The following ADGRL2 variants were observed in gnomAD, a reference collection of about 807,000 sequenced individuals.
ADGRL2 encodes adhesion G protein-coupled receptor L2, also known as calcium-independent alpha-latrotoxin receptor 2.
A neutral mutation model predicts 157.4 loss-of-function variants in ADGRL2; 44 were observed. The ratio of observed to expected loss-of-function variants is 0.28; its 90% confidence interval spans 0.22 to 0.36. The LOEUF (loss-of-function observed/expected upper bound fraction) is 0.36, where lower values mean the gene tolerates loss of function less well. Ranked by LOEUF, ADGRL2 falls within the 10% of genes least tolerant of loss-of-function variation. The probability of loss-of-function intolerance (pLI) is 1.00; values close to 1 mark genes in which losing one functional copy is unlikely to be tolerated. For missense variants in ADGRL2, 1,510 were observed against 1,768.9 expected (o/e 0.85, Z 2.63); for synonymous variants, 585 against 624.7 (o/e 0.94, Z 0.95).
chr1:81,505,740 C>CAAAAAAAAAA (rs59062091), intron 2 of ADGRL2, among the ~76,000 whole-genome samples: 1 of 85,082 alleles, frequency 1.2e-5, no homozygotes, highest in Non-Finnish European at 2.4e-5. Flanking sequence ...TGTCCTCCTG[C>CAAAAAAAAAA]AAAAAAAAAA....
intron 1 of ADGRL2, among the ~76,000 whole-genome samples, chr1:81,424,139 A>G (rs1361147032): frequency 6.6e-6 from 1 of 152,224 alleles, no homozygotes; most frequent in Non-Finnish European, 1.5e-5. Context: ...GAAAGGAGTC[A>G]GTGACACACC....
intron 1 of ADGRL2, among the ~76,000 whole-genome samples, chr1:81,815,349 T>G (rs1366142887): frequency 6.6e-6 from 1 of 151,858 alleles, no homozygotes; most frequent in African/African-American, 2.4e-5. Context: ...TGACAGAGCA[T>G]CATGCTGTGT....
chr1:81,530,280 C>T (rs2079566026), intron 2 of ADGRL2, among the ~76,000 whole-genome samples: 1 of 152,126 alleles, frequency 6.6e-6, no homozygotes, highest in Non-Finnish European at 1.5e-5. Flanking sequence ...TATTTCAGAT[C>T]AACTCAAGCT....
At chr1:81,343,582 A>T (rs1211786457) in intron 1 of ADGRL2, among the ~76,000 whole-genome samples, 2 of 152,184 alleles carry the variant, frequency 1.3e-5, no homozygotes, top group Non-Finnish European at 2.9e-5. Flanking sequence ...ATAGTGGGGT[A>T]GGCTGGGAAT....
chr1:81,326,808 C>A (rs866876963), intron 1 of ADGRL2, among the ~76,000 whole-genome samples: 19 of 152,250 alleles, frequency 1.2e-4, no homozygotes, highest in African/African-American at 3.9e-4. Flanking sequence ...GACTTTCAGA[C>A]CATTACATCC....
intron 1 of ADGRL2, among the ~76,000 whole-genome samples, chr1:81,328,818 C>T (rs1377912177): frequency 6.6e-6 from 1 of 152,020 alleles, no homozygotes; most frequent in Non-Finnish European, 1.5e-5. Flanking sequence ...CAGAAAAATG[C>T]TATTTGACAC....
intron 2 of ADGRL2, among the ~76,000 whole-genome samples, chr1:81,786,404 C>G (rs904078573): frequency 6.6e-6 from 1 of 152,046 alleles, no homozygotes. Context: ...ATGGTAAAAC[C>G]TTGTCTCTAC....
intron 4 of ADGRL2, among the ~76,000 whole-genome samples, chr1:81,941,664 A>G (rs1648047143): frequency 6.6e-6 from 1 of 151,868 alleles, no homozygotes; most frequent in African/African-American, 2.4e-5. Flanking sequence ...TAGCATACAT[A>G]TAGGAAGTAA....
chr1:81,402,169 T>C (rs2101276150), intron 1 of ADGRL2, among the ~76,000 whole-genome samples: 1 of 152,318 alleles, frequency 6.6e-6, no homozygotes, highest in East Asian at 1.9e-4. Context: ...AGAAGATCAC[T>C]ATCTCCCTAT....
At chr1:81,350,585 G>A (rs1156314737) in intron 1 of ADGRL2, among the ~76,000 whole-genome samples, 1 of 152,196 alleles carries the variant, frequency 6.6e-6, no homozygotes, top group Non-Finnish European at 1.5e-5. Context: ...AATTCCTTCA[G>A]AACTTGGGGA....
rs370113549 is a variant in ADGRL2 at position 81,753,164 on chromosome 1, CT to C, written c.-142-8646del. On this transcript the variant is annotated intron_variant, in intron 1 of 20. Coordinates refer to the ADGRL2 transcript ENST00000359929. ...GCTGCTGATAAAGACATACCTGAGACTGGGCAATTTACAAAAGAAAGAGGTT... is the reference window on the plus strand; with the variant it reads ...GCTGCTGATAAAGACATACCTGAGACGGGCAATTTACAAAAGAAAGAGGTT... 3.7e-3 allele frequency among the ~76,000 whole-genome samples: 561 copies of C among 152,182 alleles called. 5 individuals are homozygous for C. Among genetic ancestry groups the C allele is most frequent in the African/African-American group, 0.011 (469 of 41,516 alleles).
intron 1 of ADGRL2, among the ~76,000 whole-genome samples, chr1:81,749,306 A>G (rs1171802610): frequency 2.0e-5 from 3 of 152,194 alleles, no homozygotes; most frequent in Non-Finnish European, 2.9e-5. Context: ...AGAAGAATAT[A>G]TTTCTCATCA....
At chr1:81,831,271 A>G (rs2091925921) in intron 1 of ADGRL2, among the ~76,000 whole-genome samples, 1 of 152,312 alleles carries the variant, frequency 6.6e-6, no homozygotes, top group Non-Finnish European at 1.5e-5. Flanking sequence ...AATTAGTTAT[A>G]TAATTTAGGC....
chr1:81,315,797 T>A (rs570438069), intron 1 of ADGRL2, among the ~76,000 whole-genome samples: 11 of 152,244 alleles, frequency 7.2e-5, no homozygotes, highest in African/African-American at 2.2e-4. Flanking sequence ...TTGAACTTTT[T>A]AAAATATGTC....
chr1:81,586,213 A>T (rs1165232798), intron 3 of ADGRL2: 1 of 152,054 alleles, frequency 6.6e-6, no homozygotes, highest in Non-Finnish European at 1.5e-5. Context: ...AGTTGACATC[A>T]TATAGTCCAA....
At chr1:81,797,248 TC>T (rs1277277105), upstream of ADGRL2, among the ~76,000 whole-genome samples, 3 of 152,174 alleles carry the variant, frequency 2.0e-5, no homozygotes, top group Non-Finnish European at 4.4e-5. Flanking sequence ...TGAGAGTCAT[TC>T]CACGTGTTTT....
intron 1 of ADGRL2, among the ~76,000 whole-genome samples, chr1:81,361,571 T>C (rs2075979135): frequency 6.6e-6 from 1 of 151,924 alleles, no homozygotes; most frequent in Admixed American, 6.6e-5. Context: ...ACTCAACAAA[T>C]ATTTGTTGAA....
At chr1:81,426,473 T>G in intron 1 of ADGRL2, 1 of 395,802 alleles carries the variant, frequency 2.5e-6, no homozygotes, top group South Asian at 1.9e-5. Context: ...GTAAAACTGA[T>G]GCCCAGTGGC....
chr1:81,416,653 A>G (rs2077039510), intron 1 of ADGRL2, among the ~76,000 whole-genome samples: 1 of 152,176 alleles, frequency 6.6e-6, no homozygotes, highest in Non-Finnish European at 1.5e-5. Context: ...CATCTAACAT[A>G]TATATTGGTT....
Sources: gnomAD v4.1 joint callset for allele counts (sites outside exome capture counted in the v4.1 genomes callset) on GRCh38, gnomAD v4.1.1 for gene constraint, MANE v1.5 for transcripts, NCBI Gene and HGNC (gene_info 2026-07-23, HGNC 2026-07-21) for gene names.